The following TULP2 variants were observed in gnomAD, a reference collection of about 807,000 sequenced individuals.
The protein encoded by TULP2 is TUB like protein 2.
Under a neutral mutation model 60.3 loss-of-function variants are expected in TULP2, and 64 were observed. The ratio of observed to expected loss-of-function variants is 1.06; its 90% CI spans 0.87 to 1.31. TULP2 has a LOEUF of 1.31. TULP2 is among the 50% of genes most tolerant of loss of function. The pLI is 0.00. For missense variants in TULP2, 652 were observed against 667.0 expected, an observed-to-expected ratio of 0.98 and a Z score of 0.25; for synonymous variants, 267 against 265.4, an observed-to-expected ratio of 1.01 and a Z score of -0.06.
rs112028358 is a variant in TULP2 at position 48,892,539 on chromosome 19, T to C, written c.514+2459A>G. Among the ~76,000 whole-genome samples the C allele has an allele frequency of 6.5e-3, 982 of 151,622 alleles. 13 individuals are homozygous for C. Among genetic ancestry groups the C allele is most frequent in the African/African-American group, 0.022 (924 of 41,298 alleles). ...TTGGGGGGGGGACGGAGTCTTGCTCTGTCACCCAGGCTGGAGTGCAGTGGC... is the reference window on the plus strand; with the variant it reads ...TTGGGGGGGGGACGGAGTCTTGCTCCGTCACCCAGGCTGGAGTGCAGTGGC... On this transcript the variant is annotated intron_variant, in intron 6 of 12. Coordinates refer to ENST00000221399, the MANE Select transcript of TULP2 (RefSeq NM_003323.3).
intron 1 of TULP2, chr19:48,898,149 A>G: frequency 5.4e-6 from 1 of 186,324 alleles, no homozygotes; most frequent in Admixed American, 6.1e-5. Context: ...TTTGTATTTT[A>G]GTAGATACCG....
chr19:48,888,916 C>CATAAGCTGTATTT (rs2037207843), intron 7 of TULP2, among the ~76,000 whole-genome samples: 1 of 151,866 alleles, frequency 6.6e-6, no homozygotes, highest in Non-Finnish European at 1.5e-5. Context: ...GTCACCGTTC[C>CATAAGCTGTATTT]TGGCCTGCAA....
At position 48,887,857 on chromosome 19, in the gene TULP2, C is replaced by T. The variant is rs550743932; in HGVS notation, c.948+93G>A. On this transcript the variant is annotated intron_variant, in intron 8 of 12. Transcript: ENST00000221399. ...ATAGGCGTGAGCCACTGTGCCCAGC[C>T]CCAGGCTGGTCTTGACCTAGCTCAG... 2.5e-5 allele frequency: 35 copies of T among 1,400,452 alleles called. No individual in the cohort carries two copies. The East Asian group carries it at 7.7e-4, about 31-fold the overall frequency. The allele number at this position is 1,400,452 out of a possible 1,614,324, so 86.8% of individuals were successfully genotyped here.
chr19:48,884,109 C>T, intron 9 of TULP2, 63 bp from the exon 10 acceptor site: 1 of 1,311,850 alleles, frequency 7.6e-7, no homozygotes, highest in Non-Finnish European at 1.1e-6. Context: ...GTAAGTGTCA[C>T]TCATCGCATC....
In TULP2 at chr19:48,897,599, TC is replaced by T; in HGVS notation, c.33-204del. The T allele has an allele frequency of 1.4e-6, 1 of 692,690 alleles. No individual in the cohort carries two copies. Among genetic ancestry groups the T allele is most frequent in the Non-Finnish European group, 2.4e-6 (1 of 411,144 alleles). The allele number at this position is 692,690 out of a possible 1,614,324, so 42.9% of individuals were successfully genotyped here. A position where few individuals can be genotyped will look rare whatever the true frequency, so the allele number is the denominator to read the frequency against. On this transcript the variant is annotated intron_variant, in intron 2 of 12. Transcript: ENST00000221399. The surrounding 1 kb of genome is among the most constrained non-coding windows in gnomAD (Gnocchi z 4.0). ...GCCCACAGAAGCCGGGACCCAGAGA[TC>T]CCAGGTCCCTCCTGTCTCAGGATTC...
chr19:48,888,607 T>C (rs372095292), intron 7 of TULP2, among the ~76,000 whole-genome samples: 5 of 152,286 alleles, frequency 3.3e-5, no homozygotes, highest in Admixed American at 1.3e-4. Context: ...AACACCAAAG[T>C]GAGTGCCAGT....
chr19:48,893,790 G>A (rs1211047796), intron 6 of TULP2, among the ~76,000 whole-genome samples: 2 of 152,142 alleles, frequency 1.3e-5, no homozygotes, highest in Non-Finnish European at 1.5e-5. Flanking sequence ...CTGACCTCAG[G>A]TGATCCACCC....
intron 1 of TULP2, chr19:48,898,368 G>A (rs1200196473): frequency 6.7e-6 from 1 of 148,766 alleles, no homozygotes; most frequent in Non-Finnish European, 1.5e-5. Flanking sequence ...TCCCACGGGG[G>A]TCCGCAAGTC....
Position 48,897,977 on chromosome 19 carries a change from T to TTATTTATG in TULP2, c.-1-109_-1-108insCATAAATA, listed in dbSNP as rs1178548675. The stretch of plus-strand genomic sequence containing the variant: ...TTTATTTATTTATTTATTTATTTAT[T>TTATTTATG]TATGTATTTAGAGACAGCTGAGCCT... On this transcript the variant is annotated intron_variant, in intron 1 of 12. Transcript: ENST00000221399. The surrounding 1 kb of genome is among the most constrained non-coding windows in gnomAD (Gnocchi z 4.0). 1.8e-4 allele frequency: 160 copies of TTATTTATG among 867,348 alleles called. No individual in the cohort carries two copies. The highest frequency in any genetic ancestry group is 1.1e-3 in the East Asian group (30 of 27,012). The allele number at this position is 867,348 out of a possible 1,614,324, so 53.7% of individuals were successfully genotyped here.
intron 3 of TULP2, among the ~76,000 whole-genome samples, chr19:48,896,890 C>CT (rs142990965): frequency 5.9e-4 from 87 of 147,740 alleles, no homozygotes; most frequent in African/African-American, 1.3e-3. Context: ...TCCTTTCTTA[C>CT]TTTTTTTTTT....
At chr19:48,889,343 CAT>C (rs943165028) in intron 7 of TULP2, among the ~76,000 whole-genome samples, 165 bp downstream of exon 7, 5 of 151,924 alleles carry the variant, frequency 3.3e-5, no homozygotes, top group African/African-American at 4.8e-5. Context: ...CACACACACA[CAT>C]GCACGCACGC....
At chr19:48,895,824 A>G in intron 4 of TULP2, among the ~76,000 whole-genome samples, 1 of 152,136 alleles carries the variant, frequency 6.6e-6, no homozygotes, top group East Asian at 1.9e-4. Context: ...GGTTGCGGTG[A>G]GCCGATATCC....
intron 12 of TULP2, among the ~76,000 whole-genome samples, chr19:48,881,647 G>A (rs2037133661): frequency 6.6e-6 from 1 of 151,994 alleles, no homozygotes; most frequent in Non-Finnish European, 1.5e-5. Flanking sequence ...CTCCCAAAGT[G>A]CTGGGATTAC....
At chr19:48,893,528 C>T (rs2037252543) in intron 6 of TULP2, among the ~76,000 whole-genome samples, 1 of 152,060 alleles carries the variant, frequency 6.6e-6, no homozygotes, top group East Asian at 1.9e-4. Flanking sequence ...AAAGGGGTGA[C>T]TGCTAATTGA....
intron 12 of TULP2, 146 bp downstream of exon 12, chr19:48,881,886 T>C: frequency 9.4e-7 from 1 of 1,066,882 alleles, no homozygotes; most frequent in Non-Finnish European, 1.4e-6. Context: ...GTGTGTAAAC[T>C]ACAATTCCCA....
Position 48,895,462 on chromosome 19 carries a change from G to A in TULP2, c.253C>T (p.His85Tyr), listed in dbSNP as rs770421060. The change falls in exon 5 of 13, where the codon CAT becomes TAT. Residue 85 changes from histidine to tyrosine, a missense_variant. Physicochemically the swap from His to Tyr is moderately conservative, Grantham distance 83 (BLOSUM62 2). Coordinates refer to ENST00000221399, the MANE Select transcript of TULP2 (RefSeq NM_003323.3). ...PFLRKKVSEA[H>Y]LPSGIHSALG... The stretch of plus-strand genomic sequence containing the variant: ...GCACTGTGGATGCCAGAGGGCAGAT[G>A]TGCCTCTGACACTTTCTTCCGGAGG... 1.9e-6 allele frequency: 3 copies of A among 1,613,094 alleles called. No individual in the cohort carries two copies. The highest frequency in any genetic ancestry group is 1.1e-5 in the South Asian group (1 of 91,064).
intron 6 of TULP2, among the ~76,000 whole-genome samples, chr19:48,894,372 A>ATGGTTTAT (rs1234738620): frequency 6.6e-6 from 1 of 151,774 alleles, no homozygotes; most frequent in African/African-American, 2.4e-5. Flanking sequence ...GCCAGGCATG[A>ATGGTTTAT]TGGTTTATGC....
In TULP2 at chr19:48,896,531, C is replaced by T. The variant is rs2037283738; in HGVS notation, c.110G>A (p.Arg37Gln). Reference sequence around the variant, plus strand: ...CATGAGGAGCTCCTGGCGCTTCTGTCGCTGCTTCTTTTCAAACAGCCGCCG... The same window carrying T: ...CATGAGGAGCTCCTGGCGCTTCTGTTGCTGCTTCTTTTCAAACAGCCGCCG... ...QQRRLFEKKQ[R>Q]QKRQELLMVQ... Residue 37 changes from arginine (R) to glutamine (Q), a missense_variant, in exon 4 of 13, where the codon CGA becomes CAA. Arg to Gln is a conservative substitution (Grantham distance 43). Coordinates refer to ENST00000221399, the MANE Select transcript of TULP2 (RefSeq NM_003323.3). The T allele has an allele frequency of 1.2e-6, 2 of 1,602,668 alleles. No individual in the cohort carries two copies. Among genetic ancestry groups the T allele is most frequent in the Admixed American group, 1.7e-5 (1 of 58,024 alleles).
chr19:48,889,485 C>A, intron 7 of TULP2, 25 bp downstream of exon 7: 1 of 1,568,580 alleles, frequency 6.4e-7, no homozygotes, highest in Admixed American at 1.7e-5. Flanking sequence ...CTTCCAATAT[C>A]CTGAGTGATT....
Sources: allele counts gnomAD v4.1 joint callset (sites outside exome capture counted in the v4.1 genomes callset), GRCh38; gene constraint gnomAD v4.1.1; non-coding constraint Gnocchi (gnomAD v3.1); transcripts MANE v1.5; gene names NCBI Gene and HGNC (gene_info 2026-07-23, HGNC 2026-07-21).